The following GALNTL6 variants were observed in gnomAD, a reference collection of about 807,000 sequenced individuals.
The protein encoded by GALNTL6 is polypeptide N-acetylgalactosaminyltransferase-like 6.
Under a neutral mutation model 73.7 loss-of-function variants are expected in GALNTL6, and 46 were observed. That is an observed-to-expected ratio of 0.62 (90% CI 0.49 to 0.80). GALNTL6 has a LOEUF of 0.80. GALNTL6 is among the 30% of genes least tolerant of loss of function. GALNTL6 has a pLI of 0.00. For missense variants in GALNTL6, 604 were observed against 755.0 expected, an observed-to-expected ratio of 0.80 and a Z score of 2.34; for synonymous variants, 259 against 263.7, an observed-to-expected ratio of 0.98 and a Z score of 0.17.
chr4:172,825,612 AG>A (rs1292956027), intron 7 of GALNTL6, among the ~76,000 whole-genome samples: 1 of 152,168 alleles, frequency 6.6e-6, no homozygotes, highest in African/African-American at 2.4e-5. Flanking sequence ...AACTCATCCA[AG>A]GCCTTCTAGA....
At chr4:172,358,857 C>CA (rs56119441) in intron 5 of GALNTL6, among the ~76,000 whole-genome samples, 61 of 85,566 alleles carry the variant, frequency 7.1e-4, no homozygotes, top group African/African-American at 8.4e-4. Flanking sequence ...ATTAAAAAGT[C>CA]AAAAAAAAAA....
At chr4:171,873,048 G>T (rs1736181605) in intron 2 of GALNTL6, among the ~76,000 whole-genome samples, 1 of 152,146 alleles carries the variant, frequency 6.6e-6, no homozygotes. Flanking sequence ...ATAGGAACAA[G>T]TTATATGTGC....
intron 6 of GALNTL6, 99 bp from the exon 7 acceptor site, chr4:172,813,441 A>G: frequency 1.1e-6 from 1 of 913,914 alleles, no homozygotes; most frequent in Non-Finnish European, 1.7e-6. Flanking sequence ...GGCTGCAAGC[A>G]TTATGCATTA....
chr4:172,004,529 A>G (rs1740771515), intron 2 of GALNTL6, among the ~76,000 whole-genome samples: 1 of 152,088 alleles, frequency 6.6e-6, no homozygotes, highest in Admixed American at 6.6e-5. Flanking sequence ...GCTCAGTTTT[A>G]CTAATTATTT....
intron 5 of GALNTL6, among the ~76,000 whole-genome samples, chr4:172,484,682 T>C (rs1733609756): frequency 6.6e-6 from 1 of 152,210 alleles, no homozygotes; most frequent in Non-Finnish European, 1.5e-5. Flanking sequence ...GAAGTAAATG[T>C]TTCTAGTAGA....
At chr4:172,480,904 A>T (rs1457480468) in intron 5 of GALNTL6, among the ~76,000 whole-genome samples, 1 of 152,146 alleles carries the variant, frequency 6.6e-6, no homozygotes, top group Non-Finnish European at 1.5e-5. Context: ...ATGAAAAAGG[A>T]TCAAAGCACA....
At chr4:171,852,686 C>G (rs1463866845) in intron 2 of GALNTL6, among the ~76,000 whole-genome samples, 1 of 151,980 alleles carries the variant, frequency 6.6e-6, no homozygotes, top group Non-Finnish European at 1.5e-5. Context: ...GGAATTATTG[C>G]CACCTGTCAG....
intron 5 of GALNTL6, among the ~76,000 whole-genome samples, chr4:172,703,826 A>G (rs1319682692): frequency 6.6e-6 from 1 of 151,830 alleles, no homozygotes; most frequent in African/African-American, 2.4e-5. Flanking sequence ...TCAGTCCTGA[A>G]CTTTTCTTTC....
At chr4:172,112,838 A>C (rs1732890990) in intron 2 of GALNTL6, among the ~76,000 whole-genome samples, 2 of 151,876 alleles carry the variant, frequency 1.3e-5, no homozygotes, top group African/African-American at 4.8e-5. Flanking sequence ...TACCCTTTTA[A>C]CCATAAGATG....
intron 3 of GALNTL6, among the ~76,000 whole-genome samples, chr4:172,282,776 A>G (rs924408100): frequency 6.6e-6 from 1 of 152,134 alleles, no homozygotes; most frequent in Non-Finnish European, 1.5e-5. Context: ...TGGATTCAAA[A>G]TGTATTTTGG....
intron 5 of GALNTL6, among the ~76,000 whole-genome samples, chr4:172,547,937 A>G (rs1461904630): frequency 6.6e-6 from 1 of 152,062 alleles, no homozygotes; most frequent in Non-Finnish European, 1.5e-5. Context: ...CCCCAGTGGT[A>G]GTGCAAGCTG....
chr4:172,455,836 G>A (rs972616614), intron 5 of GALNTL6, among the ~76,000 whole-genome samples: 12 of 152,198 alleles, frequency 7.9e-5, no homozygotes, highest in Admixed American at 2.0e-4. Context: ...CCAGCACAGC[G>A]CTCAAGCTCT....
chr4:172,766,819 G>T (rs771865905), intron 5 of GALNTL6, among the ~76,000 whole-genome samples: 1 of 152,160 alleles, frequency 6.6e-6, no homozygotes, highest in South Asian at 2.1e-4. Context: ...TAGTGCCAAC[G>T]AATTACTGCA....
intron 12 of GALNTL6, among the ~76,000 whole-genome samples, chr4:173,032,279 C>T (rs1753494226): frequency 1.3e-5 from 2 of 152,096 alleles, no homozygotes; most frequent in South Asian, 4.1e-4. Flanking sequence ...GAAACCCCGT[C>T]TCTACTAAAA....
intron 3 of GALNTL6, among the ~76,000 whole-genome samples, chr4:172,280,661 T>C (rs1739012867): frequency 1.3e-5 from 2 of 152,108 alleles, no homozygotes; most frequent in Non-Finnish European, 2.9e-5. Flanking sequence ...AAATACTTTA[T>C]AATCAATATC....
At chr4:172,368,997 G>A (rs1742680029) in intron 5 of GALNTL6, among the ~76,000 whole-genome samples, 1 of 152,168 alleles carries the variant, frequency 6.6e-6, no homozygotes, top group Admixed American at 6.5e-5. Flanking sequence ...ATTGTGAAGA[G>A]CAAAAGAACA....
chr4:172,761,882 C>T (rs1579447957), intron 5 of GALNTL6, among the ~76,000 whole-genome samples: 1 of 152,094 alleles, frequency 6.6e-6, no homozygotes, highest in African/African-American at 2.4e-5. Context: ...AGTGTGAAAA[C>T]GAACTAATAC....
chr4:172,015,492 A>G (rs78439691), intron 2 of GALNTL6, among the ~76,000 whole-genome samples: 3,856 of 152,126 alleles, frequency 0.025, 127 homozygotes, highest in African/African-American at 0.076. Flanking sequence ...ATGGATTTTT[A>G]TCCATTCTGC....
At chr4:172,729,609 G>T (rs1174753891) in intron 5 of GALNTL6, among the ~76,000 whole-genome samples, 1 of 152,024 alleles carries the variant, frequency 6.6e-6, no homozygotes, top group Non-Finnish European at 1.5e-5. Flanking sequence ...ATTTTTATGT[G>T]AGTACCATGC....
Sources: allele counts gnomAD v4.1 joint callset (sites outside exome capture counted in the v4.1 genomes callset), GRCh38; gene constraint gnomAD v4.1.1; transcripts MANE v1.5; gene names NCBI Gene and HGNC (gene_info 2026-07-23, HGNC 2026-07-21).